WWOX: variants seen among roughly 807,000 people sequenced by gnomAD.
WWOX encodes the protein WW domain containing oxidoreductase, also known as WW domain-containing oxidoreductase.
WWOX carries 69 observed loss-of-function variants against 46.2 expected under a neutral mutation model. That is an observed-to-expected ratio of 1.49 (90% CI 1.23 to 1.82). The LOEUF is 1.82. WWOX is among the 40% of genes most tolerant of loss of function. The pLI is 0.00. For synonymous variants in WWOX, 359 were observed against 202.6 expected, an observed-to-expected ratio of 1.77 and a Z score of -6.56; for missense variants, 919 against 542.6, an observed-to-expected ratio of 1.69 and a Z score of -6.89.
chr16:78,943,786 G>A (rs2045898040), intron 8 of WWOX, among the ~76,000 whole-genome samples: 1 of 152,062 alleles, frequency 6.6e-6, no homozygotes, highest in Non-Finnish European at 1.5e-5. Flanking sequence ...AATTTGAAGG[G>A]GAAATCTTTC....
chr16:79,181,089 T>C (rs1272650471), intron 8 of WWOX, among the ~76,000 whole-genome samples: 1 of 152,234 alleles, frequency 6.6e-6, no homozygotes, highest in East Asian at 1.9e-4. Flanking sequence ...TCGTAATTTA[T>C]GCTCTACCTC....
At chr16:78,409,074 A>G (rs1872896202) in intron 6 of WWOX, among the ~76,000 whole-genome samples, 1 of 152,170 alleles carries the variant, frequency 6.6e-6, no homozygotes, top group South Asian at 2.1e-4. Flanking sequence ...CCAAAAACAG[A>G]TGAGTGAGAC....
intron 8 of WWOX, among the ~76,000 whole-genome samples, chr16:78,615,241 G>A (rs575121448): frequency 2.0e-5 from 3 of 152,214 alleles, no homozygotes; most frequent in Non-Finnish European, 4.4e-5. Context: ...TGTTGAAGGC[G>A]CTAATGGGAG....
At chr16:79,155,974 C>G (rs1417554799) in intron 8 of WWOX, among the ~76,000 whole-genome samples, 2 of 152,024 alleles carry the variant, frequency 1.3e-5, no homozygotes, top group Non-Finnish European at 2.9e-5. Flanking sequence ...CTTAAAGCAC[C>G]TAAGCACTCA....
intron 8 of WWOX, among the ~76,000 whole-genome samples, chr16:79,169,007 C>A (rs916551271): frequency 2.6e-5 from 4 of 152,212 alleles, no homozygotes; most frequent in African/African-American, 9.6e-5. Flanking sequence ...AATCTTTTCA[C>A]CCCTTTAAAG....
rs1401715865 is a variant in WWOX, at chr16:79,051,055, A to T, written c.1057-160553A>T. ...CTTATAGCAGGATTATTCCCAAGGA[A>T]GCTGTAGCCATTATATTTGCTGCCA... On this transcript the variant is annotated intron_variant, in intron 8 of 8. Coordinates refer to ENST00000566780, the MANE Select transcript of WWOX (RefSeq NM_016373.4). Among the ~76,000 whole-genome samples the T allele has an allele frequency of 2.0e-5, 3 of 152,362 alleles. No homozygotes were observed. The East Asian group carries it at 5.8e-4, about 29-fold the overall frequency.
intron 8 of WWOX, among the ~76,000 whole-genome samples, chr16:79,042,976 T>G (rs2048000912): frequency 6.6e-6 from 1 of 152,174 alleles, no homozygotes. Context: ...CTTGACTGTC[T>G]GCTAAGATTC....
intron 8 of WWOX, among the ~76,000 whole-genome samples, chr16:79,135,236 T>A (rs1196903799): frequency 2.0e-5 from 3 of 152,214 alleles, no homozygotes; most frequent in African/African-American, 7.2e-5. Flanking sequence ...ATATGCATAC[T>A]CATAAATATG....
At chr16:78,819,934 G>T (rs2051446657) in intron 8 of WWOX, among the ~76,000 whole-genome samples, 1 of 152,074 alleles carries the variant, frequency 6.6e-6, no homozygotes, top group Non-Finnish European at 1.5e-5. Context: ...ACTTATTTAT[G>T]TATTCACTCA....
chr16:79,170,036 T>C (rs1381139794), intron 8 of WWOX, among the ~76,000 whole-genome samples: 1 of 152,080 alleles, frequency 6.6e-6, no homozygotes, highest in Non-Finnish European at 1.5e-5. Flanking sequence ...TAAAAGGAGA[T>C]TTTATAATGA....
intron 8 of WWOX, among the ~76,000 whole-genome samples, chr16:79,038,748 C>G (rs2047915615): frequency 6.6e-6 from 1 of 152,046 alleles, no homozygotes; most frequent in South Asian, 2.1e-4. Flanking sequence ...CAGGGTTTCA[C>G]CATATTGGCC....
rs189827398 is a variant in WWOX at position 78,262,887 on chromosome 16, T to C, written c.516+98598T>C. Among the ~76,000 whole-genome samples the C allele has an allele frequency of 2.2e-3, 333 of 152,320 alleles. 2 individuals are homozygous for C. Among genetic ancestry groups the C allele is most frequent in the Admixed American group, 3.3e-3 (50 of 15,300 alleles). On this transcript the variant is annotated intron_variant, in intron 5 of 8. Transcript: ENST00000566780. The stretch of plus-strand genomic sequence containing the variant: ...AGTAGGAGCTGAAATTCTCATAGCC[T>C]GAGAAGCTATTTGCAGCATTCCCTG...
At chr16:78,301,700 A>C (rs1355180513) in intron 5 of WWOX, among the ~76,000 whole-genome samples, 2 of 152,180 alleles carry the variant, frequency 1.3e-5, no homozygotes, top group Admixed American at 1.3e-4. Context: ...CTGTGATTAG[A>C]GTCTAAGAAA....
intron 8 of WWOX, among the ~76,000 whole-genome samples, chr16:78,520,294 AT>A (rs950896122): frequency 2.0e-5 from 3 of 152,172 alleles, no homozygotes; most frequent in Admixed American, 6.5e-5. Context: ...AACGCAGTGA[AT>A]TTTTTAGATG....
chr16:78,283,529 G>C lies in WWOX; in HGVS notation c.517-103331G>C, dbSNP rs545215684. On this transcript the variant is annotated intron_variant, in intron 5 of 8. Coordinates refer to ENST00000566780, the MANE Select transcript of WWOX (RefSeq NM_016373.4). ...TAAATATATTATACACAGCTGGGTAGGTTGTTTCCTTGCTGGCCTTACTGC... is the reference window on the plus strand; with the variant it reads ...TAAATATATTATACACAGCTGGGTACGTTGTTTCCTTGCTGGCCTTACTGC... Among the ~76,000 whole-genome samples the C allele has an allele frequency of 3.3e-5, 5 of 152,246 alleles. No individual in the cohort carries two copies. The South Asian group carries it at 1.0e-3, about 32-fold the overall frequency.
chr16:78,685,309 G>C (rs1323792061), intron 8 of WWOX, among the ~76,000 whole-genome samples: 2 of 152,080 alleles, frequency 1.3e-5, no homozygotes, highest in Non-Finnish European at 2.9e-5. Context: ...CCCTTGGGAA[G>C]CTATTCTGCA....
chr16:78,762,896 G>A (rs894463030), intron 8 of WWOX, among the ~76,000 whole-genome samples: 2 of 152,174 alleles, frequency 1.3e-5, no homozygotes, highest in African/African-American at 4.8e-5. Context: ...TTAACACCCA[G>A]TTTGGTAAGT....
At chr16:78,481,764 T>TGTGTGTGTGTGTGTGTGC (rs149940474) in intron 8 of WWOX, among the ~76,000 whole-genome samples, 19 of 148,032 alleles carry the variant, frequency 1.3e-4, no homozygotes, top group Non-Finnish European at 2.1e-4. Flanking sequence ...TGTGTGTGTG[T>TGTGTGTGTGTGTGTGTGC]GCGCGCGCCT....
intron 5 of WWOX, among the ~76,000 whole-genome samples, chr16:78,169,849 C>T (rs1188502356): frequency 6.6e-6 from 1 of 152,106 alleles, no homozygotes; most frequent in Non-Finnish European, 1.5e-5. Flanking sequence ...CAATGTTCCT[C>T]ATGCCTGCCA....
Sources: allele counts gnomAD v4.1 joint callset (sites outside exome capture counted in the v4.1 genomes callset), GRCh38; gene constraint gnomAD v4.1.1; transcripts MANE v1.5; gene names NCBI Gene and HGNC (gene_info 2026-07-23, HGNC 2026-07-21).